ANO3: variants seen among roughly 807,000 people sequenced by gnomAD.
The protein encoded by ANO3 is anoctamin-3.
A neutral mutation model predicts 144.8 loss-of-function variants in ANO3; 99 were observed. The ratio of observed to expected loss-of-function variants is 0.68; its 90% CI spans 0.58 to 0.81. ANO3 has a LOEUF of 0.81. Ranked by LOEUF, ANO3 falls within the 30% of genes least tolerant of loss-of-function variation. The probability of loss-of-function intolerance (pLI) is 0.00; values close to 1 mark genes in which losing one functional copy is unlikely to be tolerated. For missense variants in ANO3, 905 were observed against 1,202.2 expected (o/e 0.75, Z 3.66); for synonymous variants, 414 against 392.6 (o/e 1.05, Z -0.64).
At chr11:26,303,864 T>C (rs1252883712) in intron 1 of ANO3, among the ~76,000 whole-genome samples, 1 of 151,934 alleles carries the variant, frequency 6.6e-6, no homozygotes, top group East Asian at 1.9e-4. Context: ...AGACTACAGG[T>C]GCCTGCCACC....
chr11:26,364,497 C>T (rs140953316), intron 1 of ANO3, among the ~76,000 whole-genome samples: 317 of 152,212 alleles, frequency 2.1e-3, no homozygotes, highest in African/African-American at 7.2e-3. Context: ...AATTGGTTTG[C>T]CATCTGCAGG....
chr11:26,430,310 G>A (rs1229990960), intron 1 of ANO3, among the ~76,000 whole-genome samples: 1 of 151,372 alleles, frequency 6.6e-6, no homozygotes. Flanking sequence ...ATATATGTAT[G>A]TGTCTACGTA....
chr11:26,209,491 T>A (rs1372635373), intron 1 of ANO3, among the ~76,000 whole-genome samples: 2 of 152,224 alleles, frequency 1.3e-5, no homozygotes, highest in Non-Finnish European at 2.9e-5. Context: ...TGATTTATGA[T>A]CCTTTGGGTA....
intron 1 of ANO3, among the ~76,000 whole-genome samples, chr11:26,363,656 C>T (rs1855985541): frequency 1.3e-5 from 2 of 152,148 alleles, no homozygotes; most frequent in African/African-American, 4.8e-5. Context: ...GAGGACACAA[C>T]TCAGTCAATA....
At chr11:26,272,504 A>G (rs1564943225) in intron 1 of ANO3, among the ~76,000 whole-genome samples, 1 of 152,162 alleles carries the variant, frequency 6.6e-6, no homozygotes. Flanking sequence ...TATAGACTCT[A>G]ATATGATTCC....
chr11:26,245,018 T>TGCACGCGC (rs1554928313), intron 1 of ANO3, among the ~76,000 whole-genome samples: 1 of 145,324 alleles, frequency 6.9e-6, no homozygotes, highest in South Asian at 2.2e-4. Context: ...TGTGTGTGTG[T>TGCACGCGC]GTGCATGCAT....
At chr11:26,627,937 T>C (rs546681579) in intron 18 of ANO3, among the ~76,000 whole-genome samples, 1 of 152,024 alleles carries the variant, frequency 6.6e-6, no homozygotes, top group Admixed American at 6.6e-5. Flanking sequence ...GTTTTACTTC[T>C]CAGAAGAGGT....
intron 14 of ANO3, among the ~76,000 whole-genome samples, chr11:26,569,666 A>G (rs1175508325): frequency 6.6e-6 from 1 of 152,154 alleles, no homozygotes; most frequent in Non-Finnish European, 1.5e-5. Context: ...TCCAGAGGGC[A>G]ACAAATGAAA....
At chr11:26,287,171 T>C (rs1340391063) in intron 1 of ANO3, among the ~76,000 whole-genome samples, 1 of 152,174 alleles carries the variant, frequency 6.6e-6, no homozygotes, top group Non-Finnish European at 1.5e-5. Context: ...GACTAGACTA[T>C]CTGCACCACC....
At chr11:26,430,054 G>A (rs1858035358) in intron 1 of ANO3, among the ~76,000 whole-genome samples, 1 of 151,942 alleles carries the variant, frequency 6.6e-6, no homozygotes, top group Non-Finnish European at 1.5e-5. Flanking sequence ...GAACATCCTG[G>A]CCAACATGGT....
intron 1 of ANO3, among the ~76,000 whole-genome samples, chr11:26,319,673 T>C (rs556015591): frequency 2.0e-4 from 30 of 152,328 alleles, no homozygotes; most frequent in African/African-American, 7.2e-4. Context: ...AAAATAGGTA[T>C]CATGGCTCCT....
intron 10 of ANO3, among the ~76,000 whole-genome samples, chr11:26,541,118 A>G (rs1849631491): frequency 6.6e-6 from 1 of 152,214 alleles, no homozygotes; most frequent in Non-Finnish European, 1.5e-5. Flanking sequence ...ATGCAGCCAT[A>G]AAAAAGATGA....
At chr11:26,329,812 A>ATTT (rs34683057), upstream of ANO3, among the ~76,000 whole-genome samples, 1 of 139,452 alleles carries the variant, frequency 7.2e-6, no homozygotes, top group Non-Finnish European at 1.6e-5. Context: ...AGGGACTTAA[A>ATTT]TTTTTTTTTT....
chr11:26,250,097 A>T (rs559993834), intron 1 of ANO3, among the ~76,000 whole-genome samples: 1 of 152,342 alleles, frequency 6.6e-6, no homozygotes, highest in Middle Eastern at 3.4e-3. Flanking sequence ...CAACCTAATT[A>T]TAAGGGAGAA....
chr11:26,338,479 T>C (rs865991216), intron 1 of ANO3, among the ~76,000 whole-genome samples: 3 of 150,910 alleles, frequency 2.0e-5, no homozygotes, highest in African/African-American at 7.2e-5. Context: ...ATCAGCAGAA[T>C]GTGGGAGGGG....
chr11:26,593,795 C>T (rs982779200), intron 14 of ANO3, among the ~76,000 whole-genome samples: 1 of 152,106 alleles, frequency 6.6e-6, no homozygotes, highest in Non-Finnish European at 1.5e-5. Context: ...CCCAGCCTTT[C>T]CCTGTTCCAG....
In ANO3 at chr11:26,368,219, A is replaced by G. The variant is rs546562762; in HGVS notation, c.46+35898A>G. 5.9e-5 allele frequency among the ~76,000 whole-genome samples: 9 copies of G among 152,334 alleles called. No individual in the cohort carries two copies. The East Asian group carries it at 1.5e-3, about 26-fold the overall frequency. On this transcript the variant is annotated intron_variant, in intron 1 of 26. Transcript: ENST00000256737. ...TCCTGGTGACAGAGAATTATTGTCC[A>G]AAAGTGCTGAGAGAGCTCTCTGCTT... is the stretch of plus-strand genomic sequence containing the variant.
At chr11:26,343,406 G>T (rs1855414586) in intron 1 of ANO3, among the ~76,000 whole-genome samples, 1 of 152,088 alleles carries the variant, frequency 6.6e-6, no homozygotes, top group Non-Finnish European at 1.5e-5. Flanking sequence ...TTGAATGTAC[G>T]TGCAGAAATG....
At chr11:26,561,312 T>C in intron 14 of ANO3, 1 of 932,908 alleles carries the variant, frequency 1.1e-6, no homozygotes. Context: ...GGAATTATTC[T>C]AGATGAGAAA....
Sources: gnomAD v4.1 joint callset for allele counts (sites outside exome capture counted in the v4.1 genomes callset) on GRCh38, gnomAD v4.1.1 for gene constraint, MANE v1.5 for transcripts, NCBI Gene and HGNC (gene_info 2026-07-23, HGNC 2026-07-21) for gene names.